The following INPP1 variants were observed in gnomAD, a reference collection of about 807,000 sequenced individuals.
INPP1 encodes inositol polyphosphate-1-phosphatase.
Under a neutral mutation model 23.0 loss-of-function variants are expected in INPP1, and 18 were observed. The observed-to-expected ratio is 0.78, with a 90% confidence interval of 0.54 to 1.16. The LOEUF (loss-of-function observed/expected upper bound fraction) is 1.16. Ranked by LOEUF, INPP1 falls within the 50% of genes most tolerant of loss-of-function variation. The pLI, the probability that INPP1 is intolerant of heterozygous loss-of-function variation, is 0.00. For missense variants in INPP1, 448 were observed against 482.1 expected (o/e 0.93, Z 0.66); for synonymous variants, 164 against 176.3 (o/e 0.93, Z 0.55).
intron 1 of INPP1, among the ~76,000 whole-genome samples, chr2:190,347,872 T>C (rs1689249701): frequency 6.6e-6 from 1 of 152,248 alleles, no homozygotes; most frequent in Non-Finnish European, 1.5e-5. Context: ...GCATGGTGGC[T>C]CACGCCTGTA....
In INPP1 at chr2:190,363,234, G is replaced by GGATT. The variant is rs1553512758; in HGVS notation, c.265+548_265+549insATTG. On this transcript the variant is annotated intron_variant, in intron 4 of 6. Transcript: ENST00000392329. The surrounding 1 kb of genome is among the most constrained non-coding windows in gnomAD (Gnocchi z 4.4). Reference sequence around the variant, plus strand: ...GATTCCTTTTAGTACTAAGTTTTTTGGTTTGTTTGTTTGTTTTTGAGACAG... The same window carrying GGATT: ...GATTCCTTTTAGTACTAAGTTTTTTGGATTGTTTGTTTGTTTGTTTTTGAGACAG... 6.6e-6 allele frequency among the ~76,000 whole-genome samples: 1 copy of GGATT among 152,020 alleles called. No homozygotes were observed. Among genetic ancestry groups the GGATT allele is most frequent in the Non-Finnish European group, 1.5e-5 (1 of 67,994 alleles).
intron 2 of INPP1, among the ~76,000 whole-genome samples, chr2:190,351,155 T>TA (rs1364859580): frequency 6.6e-6 from 1 of 152,250 alleles, no homozygotes; most frequent in Non-Finnish European, 1.5e-5. Context: ...AATCTCTTGT[T>TA]AGAGCATAAA....
At chr2:190,360,468 T>C (rs1575788450) in intron 3 of INPP1, among the ~76,000 whole-genome samples, 162 bp downstream of exon 3, 1 of 152,292 alleles carries the variant, frequency 6.6e-6, no homozygotes, top group African/African-American at 2.4e-5. Context: ...GATTACAGTA[T>C]TGATAAAATG....
chr2:190,360,252 G>T lies in INPP1; in HGVS notation c.150G>T (p.Lys50Asn). 6.2e-7 allele frequency: 1 copy of T among 1,614,172 alleles called. No homozygotes were observed. Among genetic ancestry groups the T allele is most frequent in the South Asian group, 1.1e-5 (1 of 91,076 alleles). Residue 50 changes from lysine (K) to asparagine (N), a missense_variant, in exon 3 of 7, where the codon AAG becomes AAT. Lys to Asn is a moderately conservative substitution (Grantham distance 94). Coordinates refer to ENST00000392329, the MANE Select transcript of INPP1 (RefSeq NM_001128928.2). The part of the protein sequence containing the change: ...EKNKKFAVDF[K>N]TLADVLVQEV... ...ACAAGAAGTTTGCAGTTGACTTCAA[G>T]ACGCTGGCTGATGTACTGGTACAGG... is the stretch of plus-strand genomic sequence containing the variant.
At chr2:190,349,075 G>A (rs577843008) in intron 2 of INPP1, 44 bp downstream of exon 2, 5 of 152,342 alleles carry the variant, frequency 3.3e-5, no homozygotes, top group African/African-American at 1.2e-4. Flanking sequence ...TATGGCATGA[G>A]TTCTAAAGGA....
rs147918906 is a variant in INPP1 at position 190,371,087 on chromosome 2, A to G, written c.885A>G (p.Leu295=). 6.2e-7 allele frequency: 1 copy of G among 1,614,210 alleles called. No homozygotes were observed. Among genetic ancestry groups the G allele is most frequent in the Middle Eastern group, 1.6e-4 (1 of 6,062 alleles). Residue 295 remains leucine, a synonymous_variant, in exon 7 of 7, where the codon CTA becomes CTG. Coordinates refer to ENST00000392329, the MANE Select transcript of INPP1 (RefSeq NM_001128928.2). The surrounding 1 kb of genome is among the most constrained non-coding windows in gnomAD (Gnocchi z 5.3). Reference sequence around the variant, plus strand: ...CAGCTGGGGCTGGTTATAAGAGCCTATGTGTTGTCCAAGGCCTCGTTGACA... The same window carrying G: ...CAGCTGGGGCTGGTTATAAGAGCCTGTGTGTTGTCCAAGGCCTCGTTGACA... ...FGAAGAGYKS[L]CVVQGLVDIY...
intron 2 of INPP1, among the ~76,000 whole-genome samples, chr2:190,351,297 G>C (rs756100679): frequency 1.3e-5 from 2 of 152,234 alleles, no homozygotes; most frequent in Non-Finnish European, 2.9e-5. Flanking sequence ...CAGTTGAAAT[G>C]ATTCTCCTTT....
Position 190,371,518 on chromosome 2 carries a change from GA to G in INPP1, c.*117del. The G allele has an allele frequency of 1.5e-6, 1 of 666,202 alleles. No homozygotes were observed. 41.3% of individuals were successfully genotyped at this position (666,202 alleles called of 1,614,324 possible). A position where few individuals can be genotyped will look rare whatever the true frequency, so the allele number is the denominator to read the frequency against. On this transcript the variant is annotated 3_prime_UTR_variant, in exon 7 of 7. Transcript: ENST00000392329. This position sits in a 1 kb window ranked among gnomAD's most constrained non-coding sequence, Gnocchi z 5.3. The stretch of plus-strand genomic sequence containing the variant: ...TGGTTAACATTCACCTTCCTCTTTT[GA>G]GGAGTATTTTTCCATTATGTATTCA...
At chr2:190,358,072 ATTTTTTTTTTT>A (rs749071988) in intron 2 of INPP1, among the ~76,000 whole-genome samples, 1 of 111,410 alleles carries the variant, frequency 9.0e-6, no homozygotes, top group Admixed American at 1.0e-4. Context: ...CATTAAGGGA[ATTTTTTTTTTT>A]TTTTTTTTTT....
chr2:190,371,264 C>G lies in INPP1; in HGVS notation c.1062C>G (p.His354Gln). 4 of 1,612,306 alleles carry G rather than the reference C, an allele frequency of 2.5e-6. No individual in the cohort carries two copies. The highest frequency in any genetic ancestry group is 2.5e-6 in the Non-Finnish European group (3 of 1,178,862). Reference sequence around the variant, plus strand: ...TTGATTTGCCACAGTTGGTGTACCACGTGGAAAATGAGGGTGCTGCTGGGG... The same window carrying G: ...TTGATTTGCCACAGTTGGTGTACCAGGTGGAAAATGAGGGTGCTGCTGGGG... ...TGLDLPQLVY[H>Q]VENEGAAGVD... Residue 354 changes from histidine to glutamine, a missense_variant, in exon 7 of 7, where the codon CAC (histidine) becomes CAG (glutamine). By Grantham distance (24) the His-to-Gln change is conservative. Transcript: ENST00000392329. This position sits in a 1 kb window ranked among gnomAD's most constrained non-coding sequence, Gnocchi z 5.3.
intron 4 of INPP1, among the ~76,000 whole-genome samples, chr2:190,364,187 T>G (rs974716241): frequency 6.6e-6 from 1 of 152,214 alleles, no homozygotes; most frequent in East Asian, 1.9e-4. Flanking sequence ...CTGTAATAGA[T>G]GTATATTGTG....
At position 190,343,877 on chromosome 2, in the gene INPP1, G is replaced by A. The variant is rs1689163405; in HGVS notation, c.-293G>A. ...TCGCCTAACCTCGCGCCCGGGCCGC[G>A]CCTCCTCCTCCTCCTGCTCCCCGCC... On this transcript the variant is annotated 5_prime_UTR_variant, in exon 1 of 7. Transcript: ENST00000392329. The A allele has an allele frequency of 1.2e-5, 2 of 171,340 alleles. No homozygotes were observed. Among genetic ancestry groups the A allele is most frequent in the Non-Finnish European group, 1.3e-5 (1 of 78,302 alleles). 10.6% of individuals were successfully genotyped at this position (171,340 alleles called of 1,614,324 possible). A position where few individuals can be genotyped will look rare whatever the true frequency, so the allele number is the denominator to read the frequency against.
Position 190,368,599 on chromosome 2 carries a change from GC to G in INPP1, c.467-503del, listed in dbSNP as rs1689731401. 1 of 152,150 alleles carries G rather than the reference GC, an allele frequency of 6.6e-6. No homozygotes were observed. Among genetic ancestry groups the G allele is most frequent in the Non-Finnish European group, 1.5e-5 (1 of 68,060 alleles). 9.4% of individuals were successfully genotyped at this position (152,150 alleles called of 1,614,324 possible). A position where few individuals can be genotyped will look rare whatever the true frequency, so the allele number is the denominator to read the frequency against. ...GAGAATGGGGTATCCATCCCTTTGA[GC>G]ATTTATCCTTTGAGTAATAAACAAT... On this transcript the variant is annotated intron_variant, in intron 5 of 6. Coordinates refer to ENST00000392329, the MANE Select transcript of INPP1 (RefSeq NM_001128928.2). The surrounding 1 kb of genome is among the most constrained non-coding windows in gnomAD (Gnocchi z 4.3).
chr2:190,345,972 C>A lies in INPP1; in HGVS notation c.-209+2011C>A, dbSNP rs1308529615. Among the ~76,000 whole-genome samples the A allele has an allele frequency of 6.6e-6, 1 of 151,910 alleles. No individual in the cohort carries two copies. Among genetic ancestry groups the A allele is most frequent in the African/African-American group, 2.4e-5 (1 of 41,330 alleles). ...TCGCGCCACTGCACTCCAGCCTGGG[C>A]GACAAAGCAAGACTTCATCTCAAAA... On this transcript the variant is annotated intron_variant, in intron 1 of 6. Coordinates refer to ENST00000392329, the MANE Select transcript of INPP1 (RefSeq NM_001128928.2). This position sits in a 1 kb window ranked among gnomAD's most constrained non-coding sequence, Gnocchi z 4.9.
At position 190,363,796 on chromosome 2, in the gene INPP1, C is replaced by T. The variant is rs919537879; in HGVS notation, c.265+1109C>T. 7.2e-5 allele frequency among the ~76,000 whole-genome samples: 11 copies of T among 152,176 alleles called. No homozygotes were observed. The highest frequency in any genetic ancestry group is 2.7e-4 in the African/African-American group (11 of 41,434). Reference sequence around the variant, plus strand: ...AATCTACGCTTGACTACTTCACAAACAGCTATTTTAATACATCATTTGTCT... The same window carrying T: ...AATCTACGCTTGACTACTTCACAAATAGCTATTTTAATACATCATTTGTCT... On this transcript the variant is annotated intron_variant, in intron 4 of 6. Transcript: ENST00000392329. The surrounding 1 kb of genome is among the most constrained non-coding windows in gnomAD (Gnocchi z 4.4).
At chr2:190,365,811 C>T (rs147652904) in intron 4 of INPP1, among the ~76,000 whole-genome samples, 187 of 152,164 alleles carry the variant, frequency 1.2e-3, no homozygotes, top group Admixed American at 2.4e-3. Context: ...CTTGCTCTCT[C>T]GCTCTCTCTG....
rs1479239732 is a variant in INPP1, at chr2:190,371,369, C to T, written c.1167C>T (p.Val389=). The T allele has an allele frequency of 6.5e-7, 1 of 1,534,462 alleles. No homozygotes were observed. Among genetic ancestry groups the T allele is most frequent in the South Asian group, 1.3e-5 (1 of 77,334 alleles). ...TGGAGACATTCCTGAGCCTCCTGGT[C>T]CAAAACCTGGCACCTGCAGAGACGC... ...KRLETFLSLL[V]QNLAPAETHT The change falls in exon 7 of 7, where the codon GTC becomes GTT. Residue 389 remains valine (V), a synonymous_variant. Transcript: ENST00000392329. The surrounding 1 kb of genome is among the most constrained non-coding windows in gnomAD (Gnocchi z 5.3).
intron 2 of INPP1, among the ~76,000 whole-genome samples, chr2:190,351,597 G>C (rs992918178): frequency 2.0e-5 from 3 of 152,294 alleles, no homozygotes; most frequent in Non-Finnish European, 4.4e-5. Flanking sequence ...TCTTTCACTT[G>C]ACAGCATGTT....
Position 190,346,321 on chromosome 2 carries a change from A to T in INPP1, c.-209+2360A>T. ...ATTGTTGGAATGAATAGTTGATAAA[A>T]CTTATTAGGACTCCTGTACATAAAA... On this transcript the variant is annotated intron_variant, in intron 1 of 6. Coordinates refer to ENST00000392329, the MANE Select transcript of INPP1 (RefSeq NM_001128928.2). This position sits in a 1 kb window ranked among gnomAD's most constrained non-coding sequence, Gnocchi z 5.1. Among the ~76,000 whole-genome samples the T allele has an allele frequency of 6.6e-6, 1 of 152,210 alleles. No individual in the cohort carries two copies. Among genetic ancestry groups the T allele is most frequent in the Non-Finnish European group, 1.5e-5 (1 of 68,030 alleles).
Sources: allele counts gnomAD v4.1 joint callset (sites outside exome capture counted in the v4.1 genomes callset), GRCh38; gene constraint gnomAD v4.1.1; non-coding constraint Gnocchi (gnomAD v3.1); transcripts MANE v1.5; gene names NCBI Gene and HGNC (gene_info 2026-07-23, HGNC 2026-07-21).